PLXNA4: variants seen among roughly 807,000 people sequenced by gnomAD.
PLXNA4 encodes the protein plexin A4.
PLXNA4 carries 44 observed loss-of-function variants against 191.8 expected under a neutral mutation model. That is an observed-to-expected ratio of 0.23 (90% CI 0.18 to 0.29). The LOEUF is 0.29. PLXNA4 is among the 10% of genes least tolerant of loss of function. The pLI, the probability that PLXNA4 is intolerant of heterozygous loss-of-function variation, is 1.00. For synonymous variants in PLXNA4, 1,082 were observed against 1,009.5 expected (o/e 1.07, Z -1.36); for missense variants, 1,800 against 2,488.8 (o/e 0.72, Z 5.89).
At chr7:132,365,356 T>C (rs77195816) in intron 3 of PLXNA4, among the ~76,000 whole-genome samples, 2,165 of 87,682 alleles carry the variant, frequency 0.025, 45 homozygotes, top group African/African-American at 0.11. Flanking sequence ...TGTGTGTGTG[T>C]GTGTGCGTGC....
At chr7:132,323,998 C>T (rs184913342) in intron 3 of PLXNA4, among the ~76,000 whole-genome samples, 11 of 152,138 alleles carry the variant, frequency 7.2e-5, no homozygotes, top group East Asian at 5.8e-4. Flanking sequence ...TGGACCATAC[C>T]GAGCTAGGCA....
In PLXNA4 at chr7:132,126,628, G is replaced by GTAAC. The variant is rs1036412657; in HGVS notation, c.*3847_*3850dup. ...ACCAGGTCAGAGACTTTTCCTGTGG[G>GTAAC]TAACTCCTGCTTCTTCCTGGGAACA... On this transcript the variant is annotated 3_prime_UTR_variant, in exon 32 of 32. Transcript: ENST00000321063. The GTAAC allele has an allele frequency of 2.2e-4, 34 of 152,226 alleles. No homozygotes were observed. The highest frequency in any genetic ancestry group is 8.0e-4 in the African/African-American group (33 of 41,428). The allele number at this position is 152,226 out of a possible 1,614,324, so 9.4% of individuals were successfully genotyped here. A position where few individuals can be genotyped will look rare whatever the true frequency, so the allele number is the denominator to read the frequency against.
intron 4 of PLXNA4, among the ~76,000 whole-genome samples, chr7:132,297,827 C>T (rs1801147264): frequency 6.6e-6 from 1 of 152,054 alleles, no homozygotes; most frequent in Admixed American, 6.6e-5. Context: ...AAATGTTGGC[C>T]CCGAACATAT....
At chr7:132,143,477 G>C (rs188956340) in intron 29 of PLXNA4, among the ~76,000 whole-genome samples, 150 of 152,346 alleles carry the variant, frequency 9.8e-4, no homozygotes, top group Non-Finnish European at 1.7e-3. Context: ...GCTACTAAAA[G>C]CAGGTAGAAA....
intron 8 of PLXNA4, among the ~76,000 whole-genome samples, chr7:132,225,063 C>T (rs531590304): frequency 9.2e-5 from 14 of 152,286 alleles, no homozygotes; most frequent in African/African-American, 3.1e-4. Flanking sequence ...GGCCCCCCAA[C>T]CTTTAATCAG....
At chr7:132,314,474 G>A (rs904931016) in intron 3 of PLXNA4, among the ~76,000 whole-genome samples, 6 of 152,206 alleles carry the variant, frequency 3.9e-5, no homozygotes, top group African/African-American at 1.4e-4. Flanking sequence ...GACCGGGGGT[G>A]CTGGTTCCCT....
intron 3 of PLXNA4, among the ~76,000 whole-genome samples, chr7:132,471,975 T>A (rs1796951576): frequency 6.6e-6 from 1 of 152,192 alleles, no homozygotes; most frequent in South Asian, 2.1e-4. Flanking sequence ...CAGCACCTCA[T>A]AAACTTGTTT....
intron 30 of PLXNA4, among the ~76,000 whole-genome samples, chr7:132,140,153 C>T (rs1584754914): frequency 6.6e-6 from 1 of 152,212 alleles, no homozygotes; most frequent in Non-Finnish European, 1.5e-5. Context: ...ACAAAGGCAT[C>T]CCCACTGAAT....
chr7:132,578,449 C>T (rs994613059), upstream of PLXNA4, among the ~76,000 whole-genome samples: 2 of 152,220 alleles, frequency 1.3e-5, no homozygotes, highest in Non-Finnish European at 2.9e-5. Flanking sequence ...TCCCTCCCAT[C>T]GAAACATCTC....
At chr7:132,212,248 C>A (rs118098206) in intron 9 of PLXNA4, among the ~76,000 whole-genome samples, 5,415 of 152,268 alleles carry the variant, frequency 0.036, 127 homozygotes, top group Middle Eastern at 0.051. Context: ...CAACTCTCAG[C>A]AGAGGCTTCT....
intron 1 of PLXNA4, among the ~76,000 whole-genome samples, chr7:132,511,923 T>A (rs1483276105): frequency 1.3e-5 from 2 of 152,114 alleles, no homozygotes; most frequent in Non-Finnish European, 2.9e-5. Context: ...TTGCAAGAGG[T>A]CACACATTGA....
chr7:132,215,954 C>A lies in PLXNA4; in HGVS notation c.2098-4811G>T, dbSNP rs73723745. Among the ~76,000 whole-genome samples the A allele has an allele frequency of 9.4e-3, 1,437 of 152,278 alleles. 29 individuals carry two copies. The highest frequency in any genetic ancestry group is 0.033 in the African/African-American group (1,358 of 41,552). On this transcript the variant is annotated intron_variant, in intron 9 of 31. Transcript: ENST00000321063. ...CCCCGAGTTTTGTGAGCTGTTATAA[C>A]AAATTATCCAATCTGAGGAGGGGAT...
At chr7:132,287,572 C>T (rs938319267) in intron 4 of PLXNA4, among the ~76,000 whole-genome samples, 4 of 152,306 alleles carry the variant, frequency 2.6e-5, no homozygotes, top group Admixed American at 6.5e-5. Flanking sequence ...TGACCCCCCC[C>T]GGAGCCTCCA....
intron 4 of PLXNA4, among the ~76,000 whole-genome samples, chr7:132,260,863 A>C (rs1799616185): frequency 2.0e-5 from 3 of 152,102 alleles, no homozygotes; most frequent in African/African-American, 7.2e-5. Flanking sequence ...AGTGAGCCCT[A>C]CCAAAGACTG....
At chr7:132,519,021 G>A (rs906214346) in intron 1 of PLXNA4, among the ~76,000 whole-genome samples, 1 of 152,164 alleles carries the variant, frequency 6.6e-6, no homozygotes, top group African/African-American at 2.4e-5. Context: ...GAGATTCCAG[G>A]CACTGTGCCT....
At chr7:132,496,590 C>T (rs571569878) in intron 2 of PLXNA4, among the ~76,000 whole-genome samples, 2 of 152,158 alleles carry the variant, frequency 1.3e-5, no homozygotes, top group East Asian at 1.9e-4. Flanking sequence ...TTAGTAGAGA[C>T]GGGGTTTCAC....
At chr7:132,214,257 C>T (rs1797895833) in intron 9 of PLXNA4, among the ~76,000 whole-genome samples, 1 of 152,192 alleles carries the variant, frequency 6.6e-6, no homozygotes, top group Admixed American at 6.5e-5. Context: ...ACATGGGGAG[C>T]AGCAAAACCT....
At chr7:132,168,807 T>C (rs1238060391) in intron 21 of PLXNA4, among the ~76,000 whole-genome samples, 2 of 152,186 alleles carry the variant, frequency 1.3e-5, no homozygotes, top group Non-Finnish European at 2.9e-5. Context: ...ACATGGTTAG[T>C]AAATGGCGGG....
chr7:132,241,445 C>T (rs1196307317), intron 4 of PLXNA4, among the ~76,000 whole-genome samples: 1 of 152,196 alleles, frequency 6.6e-6, no homozygotes, highest in African/African-American at 2.4e-5. Context: ...AAGATATTTA[C>T]ACAGTGTTCA....
Sources: allele counts gnomAD v4.1 joint callset (sites outside exome capture counted in the v4.1 genomes callset), GRCh38; gene constraint gnomAD v4.1.1; transcripts MANE v1.5; gene names NCBI Gene and HGNC (gene_info 2026-07-23, HGNC 2026-07-21).